ODAD2: variants seen among roughly 807,000 people sequenced by gnomAD.
The protein encoded by ODAD2 is outer dynein arm docking complex subunit 2.
Under a neutral mutation model 106.8 loss-of-function variants are expected in ODAD2, and 89 were observed. The observed-to-expected ratio is 0.83, with a 90% CI of 0.70 to 0.99. The LOEUF (loss-of-function observed/expected upper bound fraction) is 0.99. Among genes scored for constraint, ODAD2 ranks in the 50% least tolerant of loss-of-function variants. The pLI is 0.00. For synonymous variants in ODAD2, 404 were observed against 436.2 expected (o/e 0.93, Z 0.92); for missense variants, 1,168 against 1,238.5 (o/e 0.94, Z 0.85).
chr10:27,895,843 T>C (rs932289184), intron 17 of ODAD2, among the ~76,000 whole-genome samples: 7 of 152,238 alleles, frequency 4.6e-5, no homozygotes, highest in African/African-American at 1.7e-4. Flanking sequence ...ACATGACCTC[T>C]GTCATATTCT....
chr10:27,823,227 G>C (rs1836750350), intron 19 of ODAD2, among the ~76,000 whole-genome samples: 1 of 152,114 alleles, frequency 6.6e-6, no homozygotes. Flanking sequence ...AAGAATATTG[G>C]CACACATAGG....
At chr10:27,870,331 C>T (rs1840768025) in intron 17 of ODAD2, among the ~76,000 whole-genome samples, 1 of 152,034 alleles carries the variant, frequency 6.6e-6, no homozygotes, top group African/African-American at 2.4e-5. Flanking sequence ...TCCTGTACAT[C>T]TTTGAATCTG....
intron 17 of ODAD2, among the ~76,000 whole-genome samples, chr10:27,869,584 G>T (rs1245197833): frequency 3.0e-4 from 45 of 150,430 alleles, no homozygotes; most frequent in Non-Finnish European, 4.4e-5. Context: ...GCCCAGGCTG[G>T]AGTGAATTGG....
chr10:27,940,246 TATAA>T (rs756833107), intron 13 of ODAD2, among the ~76,000 whole-genome samples: 51 of 119,516 alleles, frequency 4.3e-4, no homozygotes, highest in Non-Finnish European at 7.3e-4. Context: ...GTGATATATA[TATAA>T]ATGTCAGTAT....
chr10:27,935,044 C>T lies in ODAD2; in HGVS notation c.2461G>A (p.Val821Ile), dbSNP rs1389250920. The T allele has an allele frequency of 1.9e-6, 3 of 1,614,008 alleles. No individual in the cohort carries two copies. The highest frequency in any genetic ancestry group is 2.5e-6 in the Non-Finnish European group (3 of 1,179,874). ...TCAGGTTCTACTGCACAAGCACCAACTGCTTTTGTAACATTCACAAGAAGA... is the reference window on the plus strand; with the variant it reads ...TCAGGTTCTACTGCACAAGCACCAATTGCTTTTGTAACATTCACAAGAAGA... ...QALLVNVTKA[V>I]GACAVEPESM... The change falls in exon 16 of 20, where the codon GTT (valine) becomes ATT (isoleucine). Residue 821 changes from valine (V) to isoleucine (I), a missense_variant. Coordinates refer to ENST00000305242, the MANE Select transcript of ODAD2 (RefSeq NM_018076.5).
intron 19 of ODAD2, among the ~76,000 whole-genome samples, chr10:27,851,673 G>A (rs1339351683): frequency 1.3e-5 from 2 of 152,086 alleles, no homozygotes; most frequent in Admixed American, 1.3e-4. Flanking sequence ...GGGAGCTGTG[G>A]GAAAACGTTT....
chr10:27,850,315 G>A (rs1839157314), intron 19 of ODAD2, among the ~76,000 whole-genome samples: 1 of 152,004 alleles, frequency 6.6e-6, no homozygotes, highest in Non-Finnish European at 1.5e-5. Flanking sequence ...CGTGGTGGCA[G>A]GCGCCTGTAG....
intron 18 of ODAD2, among the ~76,000 whole-genome samples, chr10:27,861,192 A>T (rs1302093054): frequency 6.6e-6 from 1 of 152,146 alleles, no homozygotes; most frequent in Non-Finnish European, 1.5e-5. Context: ...GGGTTTCACC[A>T]TGTTGGCCAG....
intron 10 of ODAD2, among the ~76,000 whole-genome samples, chr10:27,961,144 A>G (rs1270303167): frequency 6.6e-6 from 1 of 152,236 alleles, no homozygotes; most frequent in Non-Finnish European, 1.5e-5. Flanking sequence ...GTACAGGTAT[A>G]TTAATTTTAT....
chr10:27,955,936 T>C lies in ODAD2; in HGVS notation c.1386+5632A>G, dbSNP rs542131370. ...TGGCATTTCTGATGTGAATGTCTTTTAGATGTCACTCTGGATTAGAGTATT... is the reference window on the plus strand; with the variant it reads ...TGGCATTTCTGATGTGAATGTCTTTCAGATGTCACTCTGGATTAGAGTATT... On this transcript the variant is annotated intron_variant, in intron 10 of 19. Coordinates refer to ENST00000305242, the MANE Select transcript of ODAD2 (RefSeq NM_018076.5). Among the ~76,000 whole-genome samples the C allele has an allele frequency of 2.6e-5, 4 of 152,196 alleles. No individual in the cohort carries two copies. In the South Asian group the frequency reaches 6.2e-4, roughly 24 times the overall value.
chr10:27,905,436 A>G (rs1005744603), intron 17 of ODAD2, among the ~76,000 whole-genome samples: 6 of 152,196 alleles, frequency 3.9e-5, no homozygotes, highest in Admixed American at 3.3e-4. Flanking sequence ...AAATGGCCAT[A>G]CTGCCCAAAG....
chr10:27,831,522 C>T (rs1399763635), intron 19 of ODAD2, among the ~76,000 whole-genome samples: 3 of 152,180 alleles, frequency 2.0e-5, no homozygotes, highest in Admixed American at 6.5e-5. Flanking sequence ...TTATTATTAA[C>T]GTTCCAATGT....
At chr10:27,903,793 C>A (rs1843384600) in intron 17 of ODAD2, among the ~76,000 whole-genome samples, 1 of 152,120 alleles carries the variant, frequency 6.6e-6, no homozygotes, top group Non-Finnish European at 1.5e-5. Context: ...CCCACCAATA[C>A]ATGCAAGAAA....
chr10:27,974,642 T>TA (rs1849071859), intron 7 of ODAD2, among the ~76,000 whole-genome samples: 1 of 152,038 alleles, frequency 6.6e-6, no homozygotes, highest in Admixed American at 6.6e-5. Flanking sequence ...CCCTGTGGTA[T>TA]AGTTTGAAGT....
At chr10:27,863,275 G>A (rs964143677) in intron 17 of ODAD2, among the ~76,000 whole-genome samples, 1 of 152,068 alleles carries the variant, frequency 6.6e-6, no homozygotes, top group Non-Finnish European at 1.5e-5. Context: ...CCACATCTGG[G>A]GGCCACTGTG....
rs1842202778 is a variant in ODAD2, at chr10:27,886,100, G to A, written c.2610+21563C>T. 2.7e-5 allele frequency among the ~76,000 whole-genome samples: 4 copies of A among 150,144 alleles called. No individual in the cohort carries two copies. In the South Asian group the frequency reaches 8.4e-4, roughly 32 times the overall value. ...CAAAAAGAATGTGAGAAAAGGACAG[G>A]AAAATTATTTAAAGTAATAATGACC... On this transcript the variant is annotated intron_variant, in intron 17 of 19. Coordinates refer to ENST00000305242, the MANE Select transcript of ODAD2 (RefSeq NM_018076.5).
chr10:27,973,788 G>A lies in ODAD2; in HGVS notation c.937-2475C>T, dbSNP rs946980483. ...TTATGCGATGATTTATATTTCTCTG[G>A]GTATATACCCAGTAATGAAGTTGCT... On this transcript the variant is annotated intron_variant, in intron 7 of 19. Transcript: ENST00000305242. 7.9e-5 allele frequency among the ~76,000 whole-genome samples: 12 copies of A among 152,062 alleles called. No homozygotes were observed. The South Asian group carries it at 1.7e-3, about 21-fold the overall frequency.
In ODAD2 at chr10:27,940,687, C is replaced by G; in HGVS notation, c.1862G>C (p.Ser621Thr). 6.2e-7 allele frequency: 1 copy of G among 1,614,126 alleles called. No individual in the cohort carries two copies. Among genetic ancestry groups the G allele is most frequent in the East Asian group, 2.2e-5 (1 of 44,854 alleles). The change falls in exon 13 of 20, where the codon AGT (serine) becomes ACT (threonine). Residue 621 changes from serine (S) to threonine (T), a missense_variant. Physicochemically the swap from Ser to Thr is moderately conservative, Grantham distance 58. This residue lies in a region of ODAD2 where 701 missense variants were observed against 712.3 expected (regional missense o/e 0.98). Transcript: ENST00000305242. Reference sequence around the variant, plus strand: ...GCGGATGGCTTCTTTATTCGTATGACTCTTACTGCAGCTCCACAGGGCCAG... The same window carrying G: ...GCGGATGGCTTCTTTATTCGTATGAGTCTTACTGCAGCTCCACAGGGCCAG... ...GALALWSCSK[S>T]HTNKEAIRKA...
chr10:27,947,023 A>C (rs868527792), intron 10 of ODAD2, among the ~76,000 whole-genome samples: 5 of 152,204 alleles, frequency 3.3e-5, no homozygotes, highest in Admixed American at 3.3e-4. Flanking sequence ...CTCCACATTC[A>C]TGATTAAGTT....
Sources: gnomAD v4.1 joint callset for allele counts (sites outside exome capture counted in the v4.1 genomes callset) on GRCh38, gnomAD v4.1.1 for gene constraint, gnomAD v4.1.1 regional missense constraint, MANE v1.5 for transcripts, NCBI Gene and HGNC (gene_info 2026-07-23, HGNC 2026-07-21) for gene names.